Variants in KHDRBS2 observed in about 807,000 individuals in gnomAD.
KHDRBS2 encodes KH RNA binding domain containing, signal transduction associated 2, also known as KH domain-containing, RNA-binding, signal transduction-associated protein 2.
A neutral mutation model predicts 44.3 loss-of-function variants in KHDRBS2; 26 were observed. The observed-to-expected ratio is 0.59, with a 90% CI of 0.43 to 0.81. The LOEUF (loss-of-function observed/expected upper bound fraction) is 0.81. Ranked by LOEUF, KHDRBS2 falls within the 40% of genes least tolerant of loss-of-function variation. The pLI is 0.00. For synonymous variants in KHDRBS2, 194 were observed against 151.1 expected, an observed-to-expected ratio of 1.28 and a Z score of -2.08; for missense variants, 476 against 433.1, an observed-to-expected ratio of 1.10 and a Z score of -0.88.
At chr6:61,967,945 T>C (rs7449939) in intron 4 of KHDRBS2, among the ~76,000 whole-genome samples, 3 of 114,666 alleles carry the variant, frequency 2.6e-5, no homozygotes, top group African/African-American at 1.0e-4. Context: ...TATATATATA[T>C]ATATATATAT....
intron 7 of KHDRBS2, among the ~76,000 whole-genome samples, chr6:61,720,513 T>C (rs908658558): frequency 1.3e-5 from 2 of 152,208 alleles, no homozygotes; most frequent in African/African-American, 4.8e-5. Flanking sequence ...TTGATTTGCA[T>C]TTCTCTGATG....
chr6:61,856,818 C>T (rs921467326), intron 6 of KHDRBS2, among the ~76,000 whole-genome samples: 2 of 152,030 alleles, frequency 1.3e-5, no homozygotes, highest in African/African-American at 4.8e-5. Flanking sequence ...GAGGTCAAGG[C>T]ATATCCCTCG....
intron 3 of KHDRBS2, among the ~76,000 whole-genome samples, chr6:61,979,139 A>T (rs1583926430): frequency 6.6e-6 from 1 of 152,088 alleles, no homozygotes; most frequent in South Asian, 2.1e-4. Flanking sequence ...CATTTTGTAC[A>T]TATTCACATG....
intron 1 of KHDRBS2, among the ~76,000 whole-genome samples, chr6:62,275,532 T>C (rs1043596203): frequency 6.6e-6 from 1 of 152,204 alleles, no homozygotes; most frequent in Non-Finnish European, 1.5e-5. Context: ...CTGTCTGCAT[T>C]TTATAATACT....
At chr6:61,787,810 G>A (rs1026120970) in intron 6 of KHDRBS2, among the ~76,000 whole-genome samples, 1 of 151,608 alleles carries the variant, frequency 6.6e-6, no homozygotes, top group African/African-American at 2.4e-5. Flanking sequence ...TTTTATAGAT[G>A]AGTTTTTATA....
intron 1 of KHDRBS2, among the ~76,000 whole-genome samples, chr6:62,272,619 C>G (rs958495708): frequency 3.3e-5 from 5 of 151,830 alleles, no homozygotes; most frequent in Non-Finnish European, 5.9e-5. Context: ...AGGAAAAATA[C>G]AAAGGAAAAA....
chr6:62,156,557 T>G (rs1488091808), intron 2 of KHDRBS2, among the ~76,000 whole-genome samples: 1 of 152,244 alleles, frequency 6.6e-6, no homozygotes. Context: ...AGATTTCATT[T>G]GCTGATAAAG....
chr6:62,054,834 T>C (rs1323548486), intron 2 of KHDRBS2, among the ~76,000 whole-genome samples: 1 of 152,012 alleles, frequency 6.6e-6, no homozygotes, highest in Non-Finnish European at 1.5e-5. Flanking sequence ...AATAATGAAT[T>C]TGATTTGTTT....
chr6:61,982,684 A>G (rs1774105117), intron 3 of KHDRBS2, among the ~76,000 whole-genome samples: 2 of 151,376 alleles, frequency 1.3e-5, no homozygotes, highest in South Asian at 2.1e-4. Context: ...AAAAAAAAAA[A>G]AAAAGAACAT....
chr6:62,260,599 T>A (rs538015180), intron 1 of KHDRBS2, among the ~76,000 whole-genome samples: 14 of 152,008 alleles, frequency 9.2e-5, no homozygotes, highest in South Asian at 6.2e-4. Context: ...GAATTTTTTT[T>A]AAAAAAAGAA....
chr6:61,990,381 A>T (rs1298692508), intron 3 of KHDRBS2, among the ~76,000 whole-genome samples: 10 of 152,232 alleles, frequency 6.6e-5, no homozygotes, highest in Non-Finnish European at 1.0e-4. Context: ...TTCTACAAAG[A>T]GAGATAAGAA....
In KHDRBS2 at chr6:61,815,999, AC is replaced by A. The variant is rs386701905; in HGVS notation, c.810+78635del. 2.3e-3 allele frequency among the ~76,000 whole-genome samples: 343 copies of A among 152,318 alleles called. 2 individuals are homozygous for A. The highest frequency in any genetic ancestry group is 8.0e-3 in the African/African-American group (334 of 41,594). The stretch of plus-strand genomic sequence containing the variant: ...TTAGCTTAACAGAGCACTCATAAAT[AC>A]CAAAAGTTCCTTAGTAAGCCCAAAC... On this transcript the variant is annotated intron_variant, in intron 6 of 8. Coordinates refer to ENST00000281156, the MANE Select transcript of KHDRBS2 (RefSeq NM_152688.4).
intron 1 of KHDRBS2, among the ~76,000 whole-genome samples, chr6:62,230,218 G>A (rs1013933559): frequency 6.6e-6 from 1 of 152,070 alleles, no homozygotes; most frequent in African/African-American, 2.4e-5. Context: ...AGCAAGAAAT[G>A]TTTCATAAAA....
intron 4 of KHDRBS2, among the ~76,000 whole-genome samples, chr6:61,946,989 G>A (rs1467730240): frequency 6.6e-6 from 1 of 152,104 alleles, no homozygotes; most frequent in Non-Finnish European, 1.5e-5. Context: ...CGGGCAAATG[G>A]ATAAAAATCC....
At position 62,246,927 on chromosome 6, in the gene KHDRBS2, A is replaced by G. The variant is rs181159332; in HGVS notation, c.91+38931T>C. Among the ~76,000 whole-genome samples the G allele has an allele frequency of 2.5e-3, 381 of 152,232 alleles. 3 individuals carry two copies. The highest frequency in any genetic ancestry group is 8.4e-3 in the African/African-American group (349 of 41,566). Reference sequence around the variant, plus strand: ...TTACTTTAAGTATTATTTATAAAACATGTTGACTGCCAAATCCTAGGCCAA... The same window carrying G: ...TTACTTTAAGTATTATTTATAAAACGTGTTGACTGCCAAATCCTAGGCCAA... On this transcript the variant is annotated intron_variant, in intron 1 of 8. Coordinates refer to ENST00000281156, the MANE Select transcript of KHDRBS2 (RefSeq NM_152688.4).
the KHDRBS2 span, among the ~76,000 whole-genome samples, chr6:61,642,082 T>G: frequency 6.6e-6 from 1 of 152,166 alleles, no homozygotes; most frequent in African/African-American, 2.4e-5. Flanking sequence ...AGAGTTCTGA[T>G]GACATACCAT....
chr6:61,913,713 G>T (rs1806450746), intron 4 of KHDRBS2, among the ~76,000 whole-genome samples: 1 of 151,944 alleles, frequency 6.6e-6, no homozygotes, highest in South Asian at 2.1e-4. Context: ...GACTGGGGAG[G>T]CTGGTTTAGA....
intron 2 of KHDRBS2, among the ~76,000 whole-genome samples, chr6:62,057,072 T>C (rs1790454159): frequency 6.6e-6 from 1 of 151,958 alleles, no homozygotes; most frequent in South Asian, 2.1e-4. Context: ...AGACTGAGTT[T>C]CACAAAGTGA....
intron 6 of KHDRBS2, among the ~76,000 whole-genome samples, chr6:61,762,501 T>C (rs1217075162): frequency 6.6e-6 from 1 of 152,172 alleles, no homozygotes; most frequent in African/African-American, 2.4e-5. Flanking sequence ...TCTTGCTCTA[T>C]AAGTTCCCAC....
Sources: allele counts gnomAD v4.1 joint callset (sites outside exome capture counted in the v4.1 genomes callset), GRCh38; gene constraint gnomAD v4.1.1; transcripts MANE v1.5; gene names NCBI Gene and HGNC (gene_info 2026-07-23, HGNC 2026-07-21).